Variants in CDAN1 observed in about 807,000 individuals in gnomAD.
CDAN1 encodes the protein codanin-1.
A neutral mutation model predicts 139.8 loss-of-function variants in CDAN1; 107 were observed. The ratio of observed to expected loss-of-function variants is 0.77; its 90% CI spans 0.65 to 0.90. CDAN1 has a LOEUF of 0.90. Ranked by LOEUF, CDAN1 falls within the 40% of genes least tolerant of loss-of-function variation. The pLI is 0.00. For synonymous variants in CDAN1, 776 were observed against 660.6 expected (o/e 1.17, Z -2.68); for missense variants, 1,667 against 1,575.7 (o/e 1.06, Z -0.98).
intron 15 of CDAN1, 37 bp from the exon 16 acceptor site, chr15:42,729,922 A>ACGCCCCCCCCCCCCCCCCCCCCC: frequency 6.6e-7 from 1 of 1,513,188 alleles, no homozygotes; most frequent in Non-Finnish European, 9.1e-7. Flanking sequence ...AACTTCAGAG[A>ACGCCCCCCCCCCCCCCCCCCCCC]CCCCCACCCA....
In CDAN1 at chr15:42,725,869, G is replaced by A. The variant is rs568617749; in HGVS notation, c.3269-199C>T. On this transcript the variant is annotated intron_variant, in intron 25 of 27. Transcript: ENST00000356231. ...GTGGTGGAAGGCACCTGTAGTCCCA[G>A]CTACTTGGCCGAGGCAGAATTGCTT... is the stretch of plus-strand genomic sequence containing the variant. 1.6e-3 allele frequency among the ~76,000 whole-genome samples: 240 copies of A among 149,372 alleles called. 2 individuals carry two copies. The highest frequency in any genetic ancestry group is 5.6e-3 in the African/African-American group (223 of 40,144).
At chr15:42,725,430 C>T (rs2061511746) in intron 26 of CDAN1, 59 bp downstream of exon 26, 2 of 1,602,416 alleles carry the variant, frequency 1.2e-6, no homozygotes, top group Admixed American at 3.3e-5. Context: ...TAGTTTGGGG[C>T]AAGGGTGGTG....
intron 6 of CDAN1, among the ~76,000 whole-genome samples, chr15:42,734,557 G>A (rs1406650595): frequency 2.0e-5 from 3 of 152,164 alleles, no homozygotes; most frequent in African/African-American, 7.2e-5. Context: ...AGCAGGACAG[G>A]AACATTACCC....
intron 26 of CDAN1, 78 bp downstream of exon 26, chr15:42,725,411 A>T: frequency 6.4e-7 from 1 of 1,563,388 alleles, no homozygotes; most frequent in African/African-American, 1.4e-5. Context: ...AAGGATGCAG[A>T]GCAGCTCATA....
Position 42,728,894 on chromosome 15 carries a change from T to C in CDAN1, c.2646-84A>G. Reference sequence around the variant, plus strand: ...AATTTATGGGAATTTGGTCAGAAATTTGCTTCAAAATGTGTCAGCCATTTC... The same window carrying C: ...AATTTATGGGAATTTGGTCAGAAATCTGCTTCAAAATGTGTCAGCCATTTC... On this transcript the variant is annotated intron_variant, in intron 19 of 27. Coordinates refer to ENST00000356231, the MANE Select transcript of CDAN1 (RefSeq NM_138477.4). 3.7e-6 allele frequency: 6 copies of C among 1,604,636 alleles called. No individual in the cohort carries two copies. The South Asian group carries it at 6.6e-5, about 18-fold the overall frequency.
Position 42,728,218 on chromosome 15 carries a change from C to T in CDAN1, c.2854G>A (p.Glu952Lys), listed in dbSNP as rs1369007582. Residue 952 changes from glutamate to lysine, a missense_variant, in exon 21 of 28, where the codon GAG (glutamate) becomes AAG (lysine). By Grantham distance (56) the Glu-to-Lys change is moderately conservative. This residue lies in a region of CDAN1 where 936 missense variants were observed against 844.1 expected (regional missense o/e 1.11). Coordinates refer to ENST00000356231, the MANE Select transcript of CDAN1 (RefSeq NM_138477.4). ...CTCACACGTACGGCTGCCGGGGTCT[C>T]CTCTGGAAGCAGCGCCCGCACAGCC... ...PGAVRALLPE[E>K]TPAAVLSSAE... The T allele has an allele frequency of 1.2e-6, 2 of 1,613,728 alleles. No homozygotes were observed. The highest frequency in any genetic ancestry group is 1.7e-6 in the Non-Finnish European group (2 of 1,179,978).
intron 13 of CDAN1, 53 bp from the exon 14 acceptor site, chr15:42,730,817 A>G (rs1395738289): frequency 6.2e-7 from 1 of 1,612,500 alleles, no homozygotes; most frequent in East Asian, 2.2e-5. Flanking sequence ...GGGCTGGGAG[A>G]TGCCCTTTAA....
chr15:42,732,553 T>C, intron 9 of CDAN1, 145 bp from the exon 10 acceptor site: 2 of 737,736 alleles, frequency 2.7e-6, no homozygotes, highest in Non-Finnish European at 2.4e-6. Flanking sequence ...AAAGGGACAC[T>C]GAAGGCAAGG....
intron 25 of CDAN1, 57 bp downstream of exon 25, chr15:42,726,040 C>A: frequency 7.0e-7 from 1 of 1,428,770 alleles, no homozygotes; most frequent in South Asian, 1.1e-5. Flanking sequence ...TGCTTGTACC[C>A]AACCCTGAGA....
intron 26 of CDAN1, 86 bp from the exon 27 acceptor site, chr15:42,725,337 G>C: frequency 6.7e-7 from 1 of 1,483,466 alleles, no homozygotes. Flanking sequence ...GGGCAGAGCT[G>C]CTGGGAAGAG....
At chr15:42,730,502 C>T in intron 14 of CDAN1, 96 bp downstream of exon 14, 2 of 1,409,302 alleles carry the variant, frequency 1.4e-6, no homozygotes, top group African/African-American at 1.4e-5. Context: ...CCCACACGCA[C>T]AGTGCAGACT....
intron 21 of CDAN1, 21 bp from the exon 22 acceptor site, chr15:42,728,054 G>A (rs748197591): frequency 5.0e-6 from 8 of 1,612,526 alleles, no homozygotes; most frequent in Non-Finnish European, 6.8e-6. Context: ...GAACTACAGA[G>A]TCAGGGGCTA....
chr15:42,729,435 G>A lies in CDAN1; in HGVS notation c.2408-73C>T, dbSNP rs1595855347. 5 of 1,603,818 alleles carry A rather than the reference G, an allele frequency of 3.1e-6. No homozygotes were observed. In the South Asian group the frequency reaches 3.3e-5, roughly 11 times the overall value. ...CCTAAGTATCATGGACTTTACTTGTGGAGTCAAGAGGCTCAGATACCCAGG... is the reference window on the plus strand; with the variant it reads ...CCTAAGTATCATGGACTTTACTTGTAGAGTCAAGAGGCTCAGATACCCAGG... On this transcript the variant is annotated intron_variant, in intron 17 of 27. Transcript: ENST00000356231.
At position 42,735,300 on chromosome 15, in the gene CDAN1, C is replaced by T. The variant is rs773809734; in HGVS notation, c.1018G>A (p.Ala340Thr). 3.7e-6 allele frequency: 6 copies of T among 1,609,936 alleles called. No individual in the cohort carries two copies. In the African/African-American group the frequency reaches 8.0e-5, roughly 22 times the overall value. ...QLLTARRMVT[A>T]KDSDPELSPA... Reference sequence around the variant, plus strand: ...CTTAGTTCAGGGTCGCTGTCCTTGGCAGTCACCATCCTCCGGGCAGTGAGG... The same window carrying T: ...CTTAGTTCAGGGTCGCTGTCCTTGGTAGTCACCATCCTCCGGGCAGTGAGG... The change falls in exon 5 of 28, where the codon GCC (alanine) becomes ACC (threonine). Residue 340 changes from alanine to threonine, a missense_variant. Transcript: ENST00000356231.
chr15:42,735,292 G>A lies in CDAN1; in HGVS notation c.1026C>T (p.Asp342=). The A allele has an allele frequency of 1.2e-6, 2 of 1,609,558 alleles. No homozygotes were observed. The highest frequency in any genetic ancestry group is 1.7e-6 in the Non-Finnish European group (2 of 1,177,756). Residue 342 remains aspartate (D), a synonymous_variant, in exon 5 of 28, where the codon GAC becomes GAT. Transcript: ENST00000356231. ...CAGCTGGACTTAGTTCAGGGTCGCTGTCCTTGGCAGTCACCATCCTCCGGG... is the reference window on the plus strand; with the variant it reads ...CAGCTGGACTTAGTTCAGGGTCGCTATCCTTGGCAGTCACCATCCTCCGGG... ...LTARRMVTAK[D]SDPELSPAVL...
At chr15:42,729,170 C>A in intron 18 of CDAN1, 44 bp from the exon 19 acceptor site, 2 of 1,613,490 alleles carry the variant, frequency 1.2e-6, no homozygotes, top group South Asian at 2.2e-5. Context: ...TCCAGCCTCC[C>A]TGTCCCCGCC....
At chr15:42,728,521 A>G in intron 20 of CDAN1, 131 bp downstream of exon 20, 1 of 1,347,330 alleles carries the variant, frequency 7.4e-7, no homozygotes, top group Non-Finnish European at 1.1e-6. Flanking sequence ...GGGCTTATAG[A>G]GAATGGGCGC....
Position 42,724,134 on chromosome 15 carries a change from T to TC in CDAN1, c.*356dup, listed in dbSNP as rs1027882451. ...GGAGTCATTTGCCTCTGTCATGAAT[T>TC]CCAAGACTACAAAGTTTTAAGAGAT... On this transcript the variant is annotated 3_prime_UTR_variant, in exon 28 of 28. Coordinates refer to ENST00000356231, the MANE Select transcript of CDAN1 (RefSeq NM_138477.4). 1 of 331,830 alleles carries TC rather than the reference T, an allele frequency of 3.0e-6. No individual in the cohort carries two copies. The highest frequency in any genetic ancestry group is 2.1e-5 in the African/African-American group (1 of 46,816). 20.6% of individuals were successfully genotyped at this position (331,830 alleles called of 1,614,324 possible). A position where few individuals can be genotyped will look rare whatever the true frequency, so the allele number is the denominator to read the frequency against.
intron 8 of CDAN1, 72 bp from the exon 9 acceptor site, chr15:42,733,258 A>G: frequency 7.9e-7 from 1 of 1,263,716 alleles, no homozygotes; most frequent in South Asian, 1.2e-5. Context: ...TGGAAGAACT[A>G]TCCGTAGCCC....
Sources: allele counts gnomAD v4.1 joint callset (sites outside exome capture counted in the v4.1 genomes callset), GRCh38; gene constraint gnomAD v4.1.1; regional missense constraint gnomAD v4.1.1; transcripts MANE v1.5; gene names NCBI Gene and HGNC (gene_info 2026-07-23, HGNC 2026-07-21).